The following MRPS31 variants were observed in gnomAD, a reference collection of about 807,000 sequenced individuals.
The protein encoded by MRPS31 is small ribosomal subunit protein mS31.
A neutral mutation model predicts 43.1 loss-of-function variants in MRPS31; 32 were observed. The observed-to-expected ratio is 0.74, with a 90% CI of 0.56 to 1.00. The LOEUF (loss-of-function observed/expected upper bound fraction) is 1.00, where lower values mean the gene tolerates loss of function less well. MRPS31 is among the 50% of genes least tolerant of loss of function. The probability of loss-of-function intolerance (pLI) is 0.00; values close to 1 mark genes in which losing one functional copy is unlikely to be tolerated. For synonymous variants in MRPS31, 165 were observed against 161.6 expected, an observed-to-expected ratio of 1.02 and a Z score of -0.16; for missense variants, 437 against 466.7, an observed-to-expected ratio of 0.94 and a Z score of 0.59.
At position 40,758,935 on chromosome 13, in the gene MRPS31, T is replaced by C. The variant is rs1230522393; in HGVS notation, c.599+13A>G. 13 of 1,559,306 alleles carry C rather than the reference T, an allele frequency of 8.3e-6. No individual in the cohort carries two copies. The highest frequency in any genetic ancestry group is 1.1e-5 in the Non-Finnish European group (13 of 1,155,960). On this transcript the variant is annotated intron_variant, in intron 3 of 6. Coordinates refer to ENST00000323563, the MANE Select transcript of MRPS31 (RefSeq NM_005830.4). Reference sequence around the variant, plus strand: ...ATATAAACATTACTGACTTAAGGGTTTGATTCACTCACCTAATTTTAGGTC... The same window carrying C: ...ATATAAACATTACTGACTTAAGGGTCTGATTCACTCACCTAATTTTAGGTC...
intron 6 of MRPS31, among the ~76,000 whole-genome samples, chr13:40,740,905 G>A (rs1880068613): frequency 6.7e-6 from 1 of 149,040 alleles, no homozygotes; most frequent in Non-Finnish European, 1.5e-5. Flanking sequence ...CCTGCACAAT[G>A]TGCACATGTA....
chr13:40,761,964 G>A (rs535877504), intron 2 of MRPS31, among the ~76,000 whole-genome samples: 8 of 151,876 alleles, frequency 5.3e-5, no homozygotes, highest in African/African-American at 1.9e-4. Flanking sequence ...ATAAACAGCT[G>A]GGCATGGTGG....
intron 1 of MRPS31, among the ~76,000 whole-genome samples, chr13:40,768,629 C>A (rs866245983): frequency 6.6e-6 from 1 of 152,000 alleles, no homozygotes; most frequent in Admixed American, 6.6e-5. Context: ...TAGGCTCAAG[C>A]GATCTGCCCG....
intron 6 of MRPS31, among the ~76,000 whole-genome samples, chr13:40,731,580 C>CAA (rs530596103): frequency 2.0e-4 from 16 of 78,548 alleles, no homozygotes; most frequent in African/African-American, 7.6e-4. Flanking sequence ...AGACTCTGTC[C>CAA]AAAAAAAAAA....
chr13:40,770,783 G>T, intron 1 of MRPS31: 1 of 595,882 alleles, frequency 1.7e-6, no homozygotes, highest in Non-Finnish European at 2.9e-6. Flanking sequence ...GGCGCGGCGT[G>T]TAGTAGAGCA....
At chr13:40,744,356 G>T (rs1157124467) in intron 6 of MRPS31, among the ~76,000 whole-genome samples, 1 of 151,944 alleles carries the variant, frequency 6.6e-6, no homozygotes, top group East Asian at 1.9e-4. Context: ...TAAAATTAAA[G>T]TTGGAAATAA....
chr13:40,752,799 G>C (rs1403585995), intron 5 of MRPS31, among the ~76,000 whole-genome samples: 1 of 151,788 alleles, frequency 6.6e-6, no homozygotes, highest in East Asian at 1.9e-4. Context: ...GAGTGTTATA[G>C]CACAATCATA....
chr13:40,759,037 C>T lies in MRPS31; in HGVS notation c.510G>A (p.Lys170=). Reference sequence around the variant, plus strand: ...TCAGCAGCTCTGACTTGGTTGTTTGCTTATCAAAAGGGAGAGAATCTGCCA... The same window carrying T: ...TCAGCAGCTCTGACTTGGTTGTTTGTTTATCAAAAGGGAGAGAATCTGCCA... ...SAVADSLPFD[K]QTTKSELLSQ... Residue 170 remains lysine (K), a synonymous_variant, in exon 3 of 7, where the codon AAG becomes AAA. Coordinates refer to ENST00000323563, the MANE Select transcript of MRPS31 (RefSeq NM_005830.4). The T allele has an allele frequency of 4.4e-6, 7 of 1,607,996 alleles. No homozygotes were observed. The highest frequency in any genetic ancestry group is 5.9e-6 in the Non-Finnish European group (7 of 1,177,606).
chr13:40,765,964 A>G (rs1353698205), intron 2 of MRPS31, among the ~76,000 whole-genome samples: 2 of 152,258 alleles, frequency 1.3e-5, no homozygotes, highest in Non-Finnish European at 2.9e-5. Flanking sequence ...GAAAGCTGAA[A>G]GCACTGATAG....
rs1272355488 is a variant in MRPS31 at position 40,753,997 on chromosome 13, AAG to A, written c.814+20_814+21del. 2 of 1,444,358 alleles carry A rather than the reference AAG, an allele frequency of 1.4e-6. No individual in the cohort carries two copies. Among genetic ancestry groups the A allele is most frequent in the Non-Finnish European group, 1.9e-6 (2 of 1,035,582 alleles). The allele number at this position is 1,444,358 out of a possible 1,614,324, so 89.5% of individuals were successfully genotyped here. A position where few individuals can be genotyped will look rare whatever the true frequency, so the allele number is the denominator to read the frequency against. On this transcript the variant is annotated intron_variant, in intron 5 of 6. Transcript: ENST00000323563. ...CGATGGAATGTTTCTCCACCTGAGAAAGAGTGTTATTCTTAACAAACCTGTTT... is the reference window on the plus strand; with the variant it reads ...CGATGGAATGTTTCTCCACCTGAGAAAGTGTTATTCTTAACAAACCTGTTT...
intron 2 of MRPS31, among the ~76,000 whole-genome samples, chr13:40,764,453 A>G (rs1400227973): frequency 6.6e-6 from 1 of 152,150 alleles, no homozygotes. Flanking sequence ...CTCCATTCCT[A>G]TCAATGACAT....
At position 40,756,938 on chromosome 13, in the gene MRPS31, C is replaced by G. The variant is rs1422917579; in HGVS notation, c.675G>C (p.Arg225=). Residue 225 remains arginine (R), a synonymous_variant, in exon 4 of 7, where the codon CGG becomes CGC. Transcript: ENST00000323563. ...TGTCATAGCCTTCATCAAACTGAAT[C>G]CGAAGCTCTGGTCTTGAACGAACTC... The part of the protein sequence containing the change: ...TARVRSRPEL[R]IQFDEGYDNY... 2 of 1,613,868 alleles carry G rather than the reference C, an allele frequency of 1.2e-6. No individual in the cohort carries two copies. The highest frequency in any genetic ancestry group is 1.7e-5 in the Admixed American group (1 of 59,986).
intron 6 of MRPS31, among the ~76,000 whole-genome samples, chr13:40,735,695 C>T (rs1260749179): frequency 2.0e-5 from 3 of 152,042 alleles, no homozygotes; most frequent in South Asian, 2.1e-4. Flanking sequence ...CTGCAGGGTA[C>T]TCCAACAGAC....
chr13:40,750,082 T>TAA, intron 5 of MRPS31, among the ~76,000 whole-genome samples: 1 of 152,318 alleles, frequency 6.6e-6, no homozygotes, highest in African/African-American at 2.4e-5. Flanking sequence ...GCAGCTTTCT[T>TAA]TGTAATAGCC....
At chr13:40,745,901 C>T (rs1469719266) in intron 6 of MRPS31, among the ~76,000 whole-genome samples, 1 of 152,080 alleles carries the variant, frequency 6.6e-6, no homozygotes, top group African/African-American at 2.4e-5. Flanking sequence ...AAACTAGTGC[C>T]AAGTCTAAGT....
intron 1 of MRPS31, among the ~76,000 whole-genome samples, chr13:40,769,369 T>G (rs1206440187): frequency 1.1e-5 from 1 of 94,234 alleles, no homozygotes; most frequent in African/African-American, 4.2e-5. Flanking sequence ...AGCAAGACTC[T>G]GTCCATATAT....
chr13:40,736,643 A>C (rs1055545232), intron 6 of MRPS31, among the ~76,000 whole-genome samples: 1 of 150,796 alleles, frequency 6.6e-6, no homozygotes, highest in Non-Finnish European at 1.5e-5. Flanking sequence ...TCTTAAAGAA[A>C]AGAATTTTCA....
chr13:40,749,348 C>A, intron 5 of MRPS31, 67 bp from the exon 6 acceptor site: 1 of 1,320,224 alleles, frequency 7.6e-7, no homozygotes, highest in South Asian at 1.7e-5. Context: ...AAGTTACAAC[C>A]AATCCTGAAT....
intron 1 of MRPS31, chr13:40,770,734 C>A: frequency 4.3e-6 from 2 of 462,346 alleles, no homozygotes. Context: ...AAGATAAAAA[C>A]CTGGGTAAAC....
Sources: allele counts gnomAD v4.1 joint callset (sites outside exome capture counted in the v4.1 genomes callset), GRCh38; gene constraint gnomAD v4.1.1; transcripts MANE v1.5; gene names NCBI Gene and HGNC (gene_info 2026-07-23, HGNC 2026-07-21).